Variants in CDC23 observed in about 807,000 individuals in gnomAD.
The protein encoded by CDC23 is cell division cycle protein 23 homolog.
In CDC23, 26 loss-of-function variants were observed where a neutral mutation model predicts 81.7. The observed-to-expected ratio is 0.32, with a 90% CI of 0.23 to 0.44. The LOEUF (loss-of-function observed/expected upper bound fraction) is 0.44. CDC23 is among the 20% of genes least tolerant of loss of function. CDC23 has a pLI of 1.00. For synonymous variants in CDC23, 267 were observed against 270.8 expected, an observed-to-expected ratio of 0.99 and a Z score of 0.14; for missense variants, 519 against 728.0, an observed-to-expected ratio of 0.71 and a Z score of 3.30.
Position 138,206,682 on chromosome 5 carries a change from T to C in CDC23, c.237A>G (p.Glu79=), listed in dbSNP as rs776392318. Residue 79 remains glutamate (E), a splice_region_variant and synonymous_variant, in exon 3 of 16, where the codon GAA becomes GAG. Transcript: ENST00000394886. ...ELQPPPPITE[E]DAQDMDAYTL... is the part of the protein sequence containing the mutation. ...TATAGGCATCCATATCCTGGGCATC[T>C]TCCTAAAAAAGAAACAAGCTTATGT... is the stretch of plus-strand genomic sequence containing the variant. 5 of 1,607,534 alleles carry C rather than the reference T, an allele frequency of 3.1e-6. No homozygotes were observed. In the Admixed American group the frequency reaches 5.1e-5, roughly 16 times the overall value.
intron 9 of CDC23, 89 bp downstream of exon 9, chr5:138,198,110 C>A (rs1754938467): frequency 3.7e-5 from 38 of 1,023,862 alleles, no homozygotes; most frequent in South Asian, 3.5e-4. Context: ...AAGGCACGCA[C>A]CACCATCCCT....
chr5:138,202,208 C>T, intron 3 of CDC23, 53 bp from the exon 4 acceptor site: 1 of 1,402,648 alleles, frequency 7.1e-7, no homozygotes, highest in Non-Finnish European at 1.0e-6. Flanking sequence ...CTAAAACATA[C>T]TTTAAAACTA....
intron 3 of CDC23, among the ~76,000 whole-genome samples, chr5:138,204,791 T>C (rs1297756917): frequency 1.3e-5 from 2 of 152,022 alleles, no homozygotes; most frequent in Non-Finnish European, 2.9e-5. Context: ...AGCTAATTTT[T>C]TGTATTTTTA....
chr5:138,213,103 C>A, intron 1 of CDC23, 40 bp from the exon 2 acceptor site: 1 of 1,614,096 alleles, frequency 6.2e-7, no homozygotes, highest in Non-Finnish European at 8.5e-7. Context: ...CGACAAGCCC[C>A]CCAAGGCCAA....
At chr5:138,206,331 G>T in intron 3 of CDC23, 1 of 596,832 alleles carries the variant, frequency 1.7e-6, no homozygotes. Context: ...TAAATAATCA[G>T]GTTGTTACTT....
At chr5:138,195,447 T>C (rs1379202341) in intron 9 of CDC23, among the ~76,000 whole-genome samples, 1 of 144,604 alleles carries the variant, frequency 6.9e-6, no homozygotes, top group Non-Finnish European at 1.5e-5. Flanking sequence ...TTGGGCAATC[T>C]GGCTCAGAGT....
intron 13 of CDC23, among the ~76,000 whole-genome samples, chr5:138,190,951 T>TA (rs1390075486): frequency 3.3e-5 from 5 of 152,066 alleles, no homozygotes; most frequent in Admixed American, 3.3e-4. Flanking sequence ...TTTAAGAACC[T>TA]CTTTGCCTAC....
At position 138,201,389 on chromosome 5, in the gene CDC23, T is replaced by C; in HGVS notation, c.475A>G (p.Ser159Gly). The change falls in exon 5 of 16, where the codon AGC (serine) becomes GGC (glycine). Residue 159 changes from serine (S) to glycine (G), a missense_variant. Ser to Gly is a moderately conservative substitution (Grantham distance 56, BLOSUM62 0). Coordinates refer to ENST00000394886, the MANE Select transcript of CDC23 (RefSeq NM_004661.4). ...AGTTCTCGAGCTTGGTGTTTTTTGC[T>C]GAGCTCCACTCTCAATTCTCTAAGC... ...EALRELRVEL[S>G]KKHQARELDG... 1 of 1,614,208 alleles carries C rather than the reference T, an allele frequency of 6.2e-7. No individual in the cohort carries two copies. The highest frequency in any genetic ancestry group is 8.5e-7 in the Non-Finnish European group (1 of 1,180,022).
chr5:138,194,646 C>A (rs1314542642), intron 9 of CDC23, among the ~76,000 whole-genome samples: 1 of 151,122 alleles, frequency 6.6e-6, no homozygotes, highest in African/African-American at 2.4e-5. Context: ...TACAAAAACT[C>A]ATTGAAATGT....
At position 138,191,563 on chromosome 5, in the gene CDC23, G is replaced by T; in HGVS notation, c.1363-28C>A. ...GTCAAAAAAATAAACTGGTCATTTT[G>T]ACCATTGTCCCATGTGTCACAACTA... is the stretch of plus-strand genomic sequence containing the variant. On this transcript the variant is annotated intron_variant, in intron 12 of 15. Transcript: ENST00000394886. 1.9e-6 allele frequency: 3 copies of T among 1,602,722 alleles called. No homozygotes were observed. The South Asian group carries it at 3.3e-5, about 18-fold the overall frequency.
At chr5:138,193,398 C>A (rs1754847358) in intron 9 of CDC23, among the ~76,000 whole-genome samples, 1 of 151,840 alleles carries the variant, frequency 6.6e-6, no homozygotes, top group African/African-American at 2.4e-5. Context: ...AAGTTTCAGA[C>A]CAGCCTGGCC....
intron 2 of CDC23, among the ~76,000 whole-genome samples, chr5:138,211,773 A>C (rs1343298586): frequency 6.6e-6 from 1 of 152,222 alleles, no homozygotes; most frequent in African/African-American, 2.4e-5. Context: ...ATATCCATGT[A>C]GCAAATCTGC....
In CDC23 at chr5:138,189,614, T is replaced by C. The variant is rs1472311061; in HGVS notation, c.1623+19A>G. On this transcript the variant is annotated intron_variant, in intron 15 of 15. Coordinates refer to ENST00000394886, the MANE Select transcript of CDC23 (RefSeq NM_004661.4). The stretch of plus-strand genomic sequence containing the variant: ...TCTAGCCTAAAATTCAAACCTTTTA[T>C]TAAAGAACTGATACTCACATCATTA... 1.0e-5 allele frequency: 16 copies of C among 1,602,786 alleles called. No individual in the cohort carries two copies. Among genetic ancestry groups the C allele is most frequent in the Admixed American group, 3.5e-5 (2 of 57,744 alleles).
At chr5:138,205,884 A>G (rs1297439646) in intron 3 of CDC23, 1 of 152,210 alleles carries the variant, frequency 6.6e-6, no homozygotes, top group Non-Finnish European at 1.5e-5. Context: ...CACTCACTGC[A>G]GCATTTTTTA....
At chr5:138,211,765 A>G (rs1389189291) in intron 2 of CDC23, among the ~76,000 whole-genome samples, 1 of 152,224 alleles carries the variant, frequency 6.6e-6, no homozygotes, top group Non-Finnish European at 1.5e-5. Context: ...CACACAATAT[A>G]TCCATGTAGC....
chr5:138,189,340 T>TC (rs1754798003), intron 15 of CDC23, among the ~76,000 whole-genome samples, 192 bp from the exon 16 acceptor site: 1 of 151,678 alleles, frequency 6.6e-6, no homozygotes, highest in South Asian at 2.1e-4. Context: ...CACTGCAGCC[T>TC]CGACCTCACT....
Position 138,188,540 on chromosome 5 carries a change from C to A in CDC23, c.*438G>T, listed in dbSNP as rs1754783058. 6.5e-6 allele frequency: 1 copy of A among 153,866 alleles called. No homozygotes were observed. Among genetic ancestry groups the A allele is most frequent in the Non-Finnish European group, 1.4e-5 (1 of 69,352 alleles). The allele number at this position is 153,866 out of a possible 1,614,324, so 9.5% of individuals were successfully genotyped here. ...AATCCAAGAGCAAGGTCATTTGTATCCATTGCTCTGACTTCTTCCTAGGGT... is the reference window on the plus strand; with the variant it reads ...AATCCAAGAGCAAGGTCATTTGTATACATTGCTCTGACTTCTTCCTAGGGT... On this transcript the variant is annotated 3_prime_UTR_variant, in exon 16 of 16. Coordinates refer to ENST00000394886, the MANE Select transcript of CDC23 (RefSeq NM_004661.4).
At position 138,198,656 on chromosome 5, in the gene CDC23, T is replaced by C. The variant is rs754704229; in HGVS notation, c.781A>G (p.Lys261Glu). ...ATTTGGGAAACAATATACGAGCTCT[T>C]AGAGAAGCCCACATCAATGAGATTC... ...YQNLIDVGFS[K>E]SSYIVSQIAV... The change falls in exon 7 of 16, where the codon AAG becomes GAG. Residue 261 changes from lysine to glutamate, a missense_variant. By Grantham distance (56) the Lys-to-Glu change is moderately conservative. Transcript: ENST00000394886. 1 of 1,614,176 alleles carries C rather than the reference T, an allele frequency of 6.2e-7. No individual in the cohort carries two copies. The highest frequency in any genetic ancestry group is 8.5e-7 in the Non-Finnish European group (1 of 1,180,016).
chr5:138,195,877 T>C (rs1754899582), intron 9 of CDC23, among the ~76,000 whole-genome samples: 1 of 144,296 alleles, frequency 6.9e-6, no homozygotes, highest in Admixed American at 7.5e-5. Context: ...AAGTAGAGAC[T>C]GTGACTGACA....
Sources: allele counts gnomAD v4.1 joint callset (sites outside exome capture counted in the v4.1 genomes callset), GRCh38; gene constraint gnomAD v4.1.1; transcripts MANE v1.5; gene names NCBI Gene and HGNC (gene_info 2026-07-23, HGNC 2026-07-21).